CPNE4: variants seen among roughly 807,000 people sequenced by gnomAD.
The protein encoded by CPNE4 is copine 4.
Under a neutral mutation model 67.9 loss-of-function variants are expected in CPNE4, and 25 were observed. The observed-to-expected ratio is 0.37, with a 90% confidence interval of 0.27 to 0.51. The LOEUF (loss-of-function observed/expected upper bound fraction) is 0.51. Among genes scored for constraint, CPNE4 ranks in the 20% least tolerant of loss-of-function variants. CPNE4 has a pLI of 0.93. For missense variants in CPNE4, 464 were observed against 690.8 expected (o/e 0.67, Z 3.68); for synonymous variants, 242 against 244.9 (o/e 0.99, Z 0.11).
chr3:131,972,862 G>A (rs2107620300), intron 1 of CPNE4, among the ~76,000 whole-genome samples: 1 of 152,264 alleles, frequency 6.6e-6, no homozygotes, highest in African/African-American at 2.4e-5. Flanking sequence ...TCTCAGATCT[G>A]CCATTCTGAA....
intron 2 of CPNE4, among the ~76,000 whole-genome samples, chr3:131,864,683 C>T (rs906366134): frequency 2.2e-4 from 34 of 151,896 alleles, no homozygotes; most frequent in East Asian, 3.9e-4. Flanking sequence ...CTTTTCCTAA[C>T]TGAATACCCT....
At chr3:131,555,341 G>A (rs1936403286) in intron 12 of CPNE4, among the ~76,000 whole-genome samples, 156 bp downstream of exon 12, 1 of 151,964 alleles carries the variant, frequency 6.6e-6, no homozygotes, top group East Asian at 1.9e-4. Context: ...GGGCCCTGGC[G>A]AGTTAATCTC....
At chr3:132,032,921 A>C (rs1310498314) in intron 1 of CPNE4, among the ~76,000 whole-genome samples, 4 of 152,248 alleles carry the variant, frequency 2.6e-5, no homozygotes, top group Admixed American at 2.0e-4. Flanking sequence ...GGGATATGCT[A>C]TGTGGTTTAA....
intron 7 of CPNE4, among the ~76,000 whole-genome samples, chr3:131,644,529 T>C (rs887465102): frequency 2.0e-5 from 3 of 152,202 alleles, no homozygotes; most frequent in Non-Finnish European, 2.9e-5. Flanking sequence ...TACTACTTTA[T>C]GTTTTTGCCA....
At chr3:131,783,823 T>C (rs2083485764) in intron 2 of CPNE4, among the ~76,000 whole-genome samples, 1 of 152,012 alleles carries the variant, frequency 6.6e-6, no homozygotes, top group African/African-American at 2.4e-5. Flanking sequence ...TCCTATTGCT[T>C]ATCCATACTG....
intron 9 of CPNE4, among the ~76,000 whole-genome samples, chr3:131,577,180 T>C (rs1346049881): frequency 2.6e-5 from 4 of 152,156 alleles, no homozygotes. Flanking sequence ...CCAATTACTC[T>C]TTTCCTTCAC....
At chr3:131,963,990 G>T (rs926214227) in intron 1 of CPNE4, among the ~76,000 whole-genome samples, 12 of 152,114 alleles carry the variant, frequency 7.9e-5, no homozygotes, top group African/African-American at 2.7e-4. Flanking sequence ...GCTGGCATCT[G>T]GTGGGTGCCC....
intron 11 of CPNE4, 99 bp downstream of exon 11, chr3:131,564,117 C>T: frequency 7.2e-7 from 1 of 1,386,316 alleles, no homozygotes; most frequent in Non-Finnish European, 1.0e-6. Context: ...ACATAAGGAG[C>T]TACTAGACTT....
chr3:131,568,219 G>A (rs1295921294), intron 10 of CPNE4, among the ~76,000 whole-genome samples: 1 of 152,000 alleles, frequency 6.6e-6, no homozygotes, highest in Non-Finnish European at 1.5e-5. Context: ...CTGGAAAGTA[G>A]TGGTTCCTAA....
chr3:131,569,653 CAAAAAAAAACA>C (rs1937232224), intron 10 of CPNE4, among the ~76,000 whole-genome samples: 1 of 96,376 alleles, frequency 1.0e-5, no homozygotes, highest in Admixed American at 1.2e-4. Context: ...ACAAAAAAAA[CAAAAAAAAACA>C]AAAAAAAAAA....
At chr3:131,909,075 G>C (rs1263914618) in intron 1 of CPNE4, among the ~76,000 whole-genome samples, 2 of 152,068 alleles carry the variant, frequency 1.3e-5, no homozygotes, top group Non-Finnish European at 2.9e-5. Flanking sequence ...CCATTTAAAT[G>C]TCTTCTGTAT....
chr3:131,781,336 C>T (rs1483545135), intron 2 of CPNE4, among the ~76,000 whole-genome samples: 2 of 152,088 alleles, frequency 1.3e-5, no homozygotes, highest in Non-Finnish European at 2.9e-5. Context: ...ACATTACTGT[C>T]CTGCCTTTCA....
At chr3:131,584,860 C>CT (rs1938076902) in intron 8 of CPNE4, among the ~76,000 whole-genome samples, 1 of 152,156 alleles carries the variant, frequency 6.6e-6, no homozygotes, top group African/African-American at 2.4e-5. Flanking sequence ...CCACATGTAG[C>CT]TAGTGGCTAA....
intron 1 of CPNE4, among the ~76,000 whole-genome samples, chr3:132,017,994 C>T (rs1214594175): frequency 6.6e-6 from 1 of 152,142 alleles, no homozygotes; most frequent in Non-Finnish European, 1.5e-5. Flanking sequence ...CCCAGATGCT[C>T]AACTCAGAGT....
In CPNE4 at chr3:131,805,636, G is replaced by C. The variant is rs150171418; in HGVS notation, c.181-82011C>G. ...CTCACATGTCTGCTGGGTGATGCCG[G>C]CTGTCAGCCAGAACACCTATAAAAA... is the stretch of plus-strand genomic sequence containing the variant. On this transcript the variant is annotated intron_variant, in intron 2 of 15. Transcript: ENST00000429747. Among the ~76,000 whole-genome samples, 564 of 152,280 alleles carry C rather than the reference G, an allele frequency of 3.7e-3. 5 individuals are homozygous for C. The highest frequency in any genetic ancestry group is 0.013 in the African/African-American group (538 of 41,564).
At chr3:131,600,649 G>A (rs60399132) in intron 7 of CPNE4, among the ~76,000 whole-genome samples, 20,312 of 152,100 alleles carry the variant, frequency 0.13, 1,945 homozygotes, top group African/African-American at 0.27. Context: ...GAGAGGAAAC[G>A]TGGAGCATCT....
At chr3:131,775,943 G>A (rs2083280399) in intron 2 of CPNE4, among the ~76,000 whole-genome samples, 1 of 152,160 alleles carries the variant, frequency 6.6e-6, no homozygotes, top group South Asian at 2.1e-4. Flanking sequence ...GTTTAAAGAG[G>A]CCCCTGGCTT....
intron 2 of CPNE4, among the ~76,000 whole-genome samples, chr3:131,893,986 G>C (rs2088220623): frequency 6.6e-6 from 1 of 151,288 alleles, no homozygotes; most frequent in South Asian, 2.1e-4. Flanking sequence ...ACAATATATA[G>C]ACTACAAAAA....
chr3:132,031,744 G>T (rs76119245), intron 1 of CPNE4, among the ~76,000 whole-genome samples: 1 of 152,274 alleles, frequency 6.6e-6, no homozygotes, highest in East Asian at 1.9e-4. Flanking sequence ...TTATAAATGT[G>T]TTCAGTATTA....
Sources: gnomAD v4.1 joint callset for allele counts (sites outside exome capture counted in the v4.1 genomes callset) on GRCh38, gnomAD v4.1.1 for gene constraint, MANE v1.5 for transcripts, NCBI Gene and HGNC (gene_info 2026-07-23, HGNC 2026-07-21) for gene names.